JMY: variants seen among roughly 807,000 people sequenced by gnomAD.
JMY encodes junction-mediating and -regulatory protein.
JMY carries 46 observed loss-of-function variants against 103.3 expected under a neutral mutation model. The ratio of observed to expected loss-of-function variants is 0.45; its 90% CI spans 0.35 to 0.57. The LOEUF is 0.57. Ranked by LOEUF, JMY falls within the 20% of genes least tolerant of loss-of-function variation. JMY has a pLI of 0.00. For missense variants in JMY, 1,238 were observed against 1,255.2 expected (o/e 0.99, Z 0.21); for synonymous variants, 526 against 489.3 (o/e 1.07, Z -0.99).
At chr5:79,292,149 G>A (rs775829104) in intron 4 of JMY, among the ~76,000 whole-genome samples, 2 of 151,946 alleles carry the variant, frequency 1.3e-5, no homozygotes, top group Non-Finnish European at 2.9e-5. Context: ...ATTCAGAATC[G>A]CTGTGCATGG....
chr5:79,303,247 T>A (rs1746789615), intron 6 of JMY, among the ~76,000 whole-genome samples: 1 of 152,130 alleles, frequency 6.6e-6, no homozygotes, highest in Non-Finnish European at 1.5e-5. Flanking sequence ...TTATTTATTT[T>A]TTTATAGAGA....
At chr5:79,258,311 G>GTTTTTTT (rs1491360478) in intron 1 of JMY, among the ~76,000 whole-genome samples, 14 of 81,842 alleles carry the variant, frequency 1.7e-4, no homozygotes, top group African/African-American at 4.5e-4. Context: ...TTTTGTTTTT[G>GTTTTTTT]TTGTTTTTTT....
At chr5:79,309,196 G>T (rs1434477614) in intron 7 of JMY, among the ~76,000 whole-genome samples, 1 of 152,054 alleles carries the variant, frequency 6.6e-6, no homozygotes, top group Non-Finnish European at 1.5e-5. Context: ...GAAAGGAGTG[G>T]TAAGGGGGAC....
At chr5:79,312,367 C>A in intron 7 of JMY, 36 bp from the exon 8 acceptor site, 1 of 1,236,204 alleles carries the variant, frequency 8.1e-7, no homozygotes, top group Non-Finnish European at 1.1e-6. Context: ...AAAATTGGGA[C>A]ACAGCATAAT....
intron 7 of JMY, among the ~76,000 whole-genome samples, chr5:79,311,845 C>G (rs1414780682): frequency 6.6e-6 from 1 of 152,106 alleles, no homozygotes; most frequent in Non-Finnish European, 1.5e-5. Flanking sequence ...GAGACAGAGT[C>G]CCACTCTGTT....
chr5:79,312,399 C>A lies in JMY; in HGVS notation c.1969-4C>A. On this transcript the variant is annotated splice_polypyrimidine_tract_variant and splice_region_variant and intron_variant, in intron 7 of 10. Transcript: ENST00000396137. ...TAATGGAATTATTATTAATTTTTTACCAGAAGAGAGAAAAATTACATGATG... is the reference window on the plus strand; with the variant it reads ...TAATGGAATTATTATTAATTTTTTAACAGAAGAGAGAAAAATTACATGATG... 3 of 1,516,574 alleles carry A rather than the reference C, an allele frequency of 2.0e-6. No individual in the cohort carries two copies. The highest frequency in any genetic ancestry group is 2.7e-6 in the Non-Finnish European group (3 of 1,122,582). The allele number at this position is 1,516,574 out of a possible 1,614,324, so 93.9% of individuals were successfully genotyped here. A position where few individuals can be genotyped will look rare whatever the true frequency, so the allele number is the denominator to read the frequency against.
chr5:79,291,073 AT>A, intron 3 of JMY, 56 bp from the exon 4 acceptor site: 1 of 1,206,320 alleles, frequency 8.3e-7, no homozygotes, highest in Non-Finnish European at 1.1e-6. Context: ...TCTTTTTCAA[AT>A]GCTTCAGTAT....
intron 2 of JMY, among the ~76,000 whole-genome samples, chr5:79,280,781 G>A (rs1023074160): frequency 2.0e-5 from 3 of 151,816 alleles, no homozygotes; most frequent in East Asian, 3.8e-4. Context: ...GGATAATTAT[G>A]TACTTGTTCA....
At chr5:79,287,919 T>TATAC (rs1746314149) in intron 2 of JMY, among the ~76,000 whole-genome samples, 1 of 152,252 alleles carries the variant, frequency 6.6e-6, no homozygotes, top group Non-Finnish European at 1.5e-5. Context: ...GTAAGGGATT[T>TATAC]AAGTTTTGAC....
intron 1 of JMY, among the ~76,000 whole-genome samples, chr5:79,269,373 G>A (rs1745675879): frequency 6.6e-6 from 1 of 152,152 alleles, no homozygotes; most frequent in African/African-American, 2.4e-5. Flanking sequence ...AAGAGGTTGA[G>A]GAGTGTCAGA....
chr5:79,319,243 T>C (rs1747358867), intron 10 of JMY, among the ~76,000 whole-genome samples: 1 of 152,234 alleles, frequency 6.6e-6, no homozygotes, highest in Non-Finnish European at 1.5e-5. Context: ...GTGCATGGTG[T>C]ATACACTTTG....
intron 4 of JMY, among the ~76,000 whole-genome samples, 168 bp from the exon 5 acceptor site, chr5:79,299,985 C>CATAT (rs10640258): frequency 0.01 from 1,556 of 149,438 alleles, 12 homozygotes; most frequent in African/African-American, 0.026. Context: ...CTGTTTTATA[C>CATAT]ATATATATAT....
intron 4 of JMY, among the ~76,000 whole-genome samples, chr5:79,298,262 A>G (rs1209221150): frequency 1.3e-5 from 2 of 152,210 alleles, no homozygotes; most frequent in African/African-American, 2.4e-5. Flanking sequence ...GTTTACACTA[A>G]GGTTTTAACT....
chr5:79,238,031 A>G (rs1744579354), intron 1 of JMY, among the ~76,000 whole-genome samples: 1 of 152,204 alleles, frequency 6.6e-6, no homozygotes, highest in Non-Finnish European at 1.5e-5. Context: ...TCTTCCAGCA[A>G]TAACTGCCCA....
rs1432258117 is a variant in JMY at position 79,324,691 on chromosome 5, TGCTTGTATTATATAG to T, written c.*3094_*3108del. ...TTTTTTAAAAGATGAAGAATGGTTT[TGCTTGTATTATATAG>T]GCTTACTGAGTTTGTGAGCAGCATA... On this transcript the variant is annotated 3_prime_UTR_variant, in exon 11 of 11. Transcript: ENST00000396137. 2.6e-5 allele frequency: 4 copies of T among 152,248 alleles called. No homozygotes were observed. Among genetic ancestry groups the T allele is most frequent in the African/African-American group, 4.8e-5 (2 of 41,460 alleles). 9.4% of individuals were successfully genotyped at this position (152,248 alleles called of 1,614,324 possible).
intron 2 of JMY, chr5:79,284,622 G>A: frequency 1.3e-6 from 2 of 1,550,544 alleles, no homozygotes; most frequent in East Asian, 2.2e-5. Context: ...TCCATGCCAT[G>A]GAAGTTAGGC....
intron 1 of JMY, among the ~76,000 whole-genome samples, chr5:79,263,871 C>T (rs1436795887): frequency 6.6e-6 from 1 of 151,796 alleles, no homozygotes; most frequent in African/African-American, 2.4e-5. Context: ...GATCTCGGCT[C>T]ACTGCAGTCT....
At chr5:79,300,977 T>C in intron 6 of JMY, 114 bp downstream of exon 6, 1 of 817,314 alleles carries the variant, frequency 1.2e-6, no homozygotes, top group South Asian at 1.9e-5. Flanking sequence ...CACTATCTCT[T>C]ATCAGTGCTC....
At position 79,316,289 on chromosome 5, in the gene JMY, C is replaced by T. The variant is rs748577662; in HGVS notation, c.2949C>T (p.Cys983=). The T allele has an allele frequency of 2.5e-6, 4 of 1,610,804 alleles. No individual in the cohort carries two copies. The highest frequency in any genetic ancestry group is 3.4e-5 in the Admixed American group (2 of 59,588). ...AGGACGAAGAGGAGGCTTTACCTTG[C>T]ACAGACTGGGAGAACTAACAAGTAA... ...ESEDEEEALP[C]TDWEN The change falls in exon 10 of 11, where the codon TGC becomes TGT. Residue 983 remains cysteine (C), a synonymous_variant. Coordinates refer to ENST00000396137, the MANE Select transcript of JMY (RefSeq NM_152405.5).
Sources: allele counts gnomAD v4.1 joint callset (sites outside exome capture counted in the v4.1 genomes callset), GRCh38; gene constraint gnomAD v4.1.1; transcripts MANE v1.5; gene names NCBI Gene and HGNC (gene_info 2026-07-23, HGNC 2026-07-21).